Variants in PAX4 observed in about 807,000 individuals in gnomAD.
PAX4 encodes the protein paired box 4.
In PAX4, 33 loss-of-function variants were observed where a neutral mutation model predicts 40.6. The observed-to-expected ratio is 0.81, with a 90% CI of 0.62 to 1.09. The LOEUF (loss-of-function observed/expected upper bound fraction) is 1.09. Ranked by LOEUF, PAX4 falls within the 50% of genes least tolerant of loss-of-function variation. The pLI is 0.00. For missense variants in PAX4, 459 were observed against 442.5 expected (o/e 1.04, Z -0.33); for synonymous variants, 174 against 170.6 (o/e 1.02, Z -0.16).
At position 127,613,763 on chromosome 7, in the gene PAX4, C is replaced by T; in HGVS notation, c.555G>A (p.Leu185=). 6.2e-7 allele frequency: 1 copy of T among 1,613,988 alleles called. No individual in the cohort carries two copies. The change falls in exon 7 of 12, where the codon CTG becomes CTA. Residue 185 remains leucine (L), a synonymous_variant. Transcript: ENST00000639438. The part of the protein sequence containing the change: ...TIFSPSQAEA[L]EKEFQRGQYP... Reference sequence around the variant, plus strand: ...TCTGTCCCAGCCCAGCACCTTTCTCCAGTGCCTCTGCTTGGCTTGGGGAGA... The same window carrying T: ...TCTGTCCCAGCCCAGCACCTTTCTCTAGTGCCTCTGCTTGGCTTGGGGAGA...
rs1422721708 is a variant in PAX4 at position 127,615,078 on chromosome 7, C to G, written c.162G>C (p.Val54=). The G allele has an allele frequency of 6.2e-7, 1 of 1,614,148 alleles. No individual in the cohort carries two copies. Among genetic ancestry groups the G allele is most frequent in the East Asian group, 2.2e-5 (1 of 44,874 alleles). Residue 54 remains valine (V), a synonymous_variant, in exon 5 of 12, where the codon GTG becomes GTC. Coordinates refer to ENST00000639438, the MANE Select transcript of PAX4 (RefSeq NM_001366110.1). ...GGTAGTAACGCCCTAGGATCTTGCT[C>G]ACACAGCCATTAGATACCTGAGTCA... ...SRILKVSNGC[V]SKILGRYYRT...
rs1485011264 is a variant in PAX4 at position 127,610,997 on chromosome 7, G to C, written c.*67C>G. On this transcript the variant is annotated 3_prime_UTR_variant, in exon 12 of 12. Coordinates refer to ENST00000639438, the MANE Select transcript of PAX4 (RefSeq NM_001366110.1). ...GAAGGAGCCACAGTCTGTATGGGCA[G>C]GACGGTAAGGACAATGGGCAGGATG... The C allele has an allele frequency of 1.3e-6, 2 of 1,555,380 alleles. No individual in the cohort carries two copies. Among genetic ancestry groups the C allele is most frequent in the Admixed American group, 1.9e-5 (1 of 51,508 alleles).
rs575375428 is a variant in PAX4, at chr7:127,613,681, C to T, written c.562+75G>A. On this transcript the variant is annotated intron_variant, in intron 7 of 11. Coordinates refer to ENST00000639438, the MANE Select transcript of PAX4 (RefSeq NM_001366110.1). ...TCACACCTGCACCTCTCAGCCTTTGCCCACAGGCCTCAGGGCCACTGTCCC... is the reference window on the plus strand; with the variant it reads ...TCACACCTGCACCTCTCAGCCTTTGTCCACAGGCCTCAGGGCCACTGTCCC... 46 of 1,608,294 alleles carry T rather than the reference C, an allele frequency of 2.9e-5. 1 individual carries two copies. The East Asian group carries it at 8.5e-4, about 30-fold the overall frequency.
rs138902071 is a variant in PAX4, at chr7:127,615,385, G to A, written c.144+16C>T. On this transcript the variant is annotated intron_variant, in intron 4 of 11. Coordinates refer to ENST00000639438, the MANE Select transcript of PAX4 (RefSeq NM_001366110.1). ...CTTCCTGTCCCCATCACTGGGTAAAGGTGCTGGCCCATTACCTTAAGGATC... is the reference window on the plus strand; with the variant it reads ...CTTCCTGTCCCCATCACTGGGTAAAAGTGCTGGCCCATTACCTTAAGGATC... The A allele has an allele frequency of 2.1e-4, 335 of 1,614,146 alleles. 2 individuals carry two copies. In the African/African-American group the frequency reaches 2.6e-3, roughly 13 times the overall value.
At position 127,610,780 on chromosome 7, in the gene PAX4, A is replaced by G. The variant is rs1794610304; in HGVS notation, c.*284T>C. 1.6e-6 allele frequency: 2 copies of G among 1,223,264 alleles called. No homozygotes were observed. Among genetic ancestry groups the G allele is most frequent in the Admixed American group, 4.0e-5 (2 of 50,106 alleles). 75.8% of individuals were successfully genotyped at this position (1,223,264 alleles called of 1,614,324 possible). ...GTGGGCATAGGGGTGCTCATAGGGA[A>G]AACATGATGGACAACAGAACTACTG... On this transcript the variant is annotated 3_prime_UTR_variant, in exon 12 of 12. Transcript: ENST00000639438.
In PAX4 at chr7:127,615,395, C is replaced by T. The variant is rs760675886; in HGVS notation, c.144+6G>A. 6.2e-7 allele frequency: 1 copy of T among 1,614,188 alleles called. No individual in the cohort carries two copies. The highest frequency in any genetic ancestry group is 1.6e-4 in the Middle Eastern group (1 of 6,062). On this transcript the variant is annotated splice_donor_region_variant and intron_variant, in intron 4 of 11. Coordinates refer to ENST00000639438, the MANE Select transcript of PAX4 (RefSeq NM_001366110.1). Reference sequence around the variant, plus strand: ...CCATCACTGGGTAAAGGTGCTGGCCCATTACCTTAAGGATCCGTGAGATGT... The same window carrying T: ...CCATCACTGGGTAAAGGTGCTGGCCTATTACCTTAAGGATCCGTGAGATGT...
In PAX4 at chr7:127,616,001, G is replaced by T. The variant is rs1751689366; in HGVS notation, c.-73C>A. The T allele has an allele frequency of 2.6e-6, 4 of 1,517,282 alleles. No homozygotes were observed. In the Admixed American group the frequency reaches 7.9e-5, roughly 30 times the overall value. The allele number at this position is 1,517,282 out of a possible 1,614,324, so 94.0% of individuals were successfully genotyped here. On this transcript the variant is annotated 5_prime_UTR_variant, in exon 3 of 12. Transcript: ENST00000639438. ...CTGGGAAGGGAAGTTCCTTCTAGGA[G>T]CTCCTTTTCCAGCTTGGGGGCTGGC...
intron 2 of PAX4, among the ~76,000 whole-genome samples, chr7:127,616,643 C>T (rs777561765): frequency 2.6e-5 from 4 of 152,214 alleles, no homozygotes. Context: ...CCGGCTTCTC[C>T]TAGGAGACGC....
In PAX4 at chr7:127,613,519, C is replaced by T. The variant is rs755659149; in HGVS notation, c.576G>A (p.Gly192=). 3.7e-6 allele frequency: 6 copies of T among 1,614,164 alleles called. No individual in the cohort carries two copies. In the Admixed American group the frequency reaches 8.3e-5, roughly 22 times the overall value. The part of the protein sequence containing the change: ...AEALEKEFQR[G]QYPDSVARGK... ...CACGGGCCACTGAATCAGGATACTG[C>T]CCACGCTGGAACTCTGCGGAGATCG... The change falls in exon 8 of 12, where the codon GGG becomes GGA. Residue 192 remains glycine, a synonymous_variant. Transcript: ENST00000639438.
chr7:127,614,914 G>C lies in PAX4; in HGVS notation c.326C>G (p.Ala109Gly), dbSNP rs760507507. The C allele has an allele frequency of 1.2e-6, 2 of 1,614,140 alleles. No homozygotes were observed. The highest frequency in any genetic ancestry group is 2.2e-5 in the South Asian group (2 of 91,078). Residue 109 changes from alanine to glycine, a missense_variant, in exon 5 of 12, where the codon GCT becomes GGT. By Grantham distance (60) the Ala-to-Gly change is moderately conservative. Coordinates refer to ENST00000639438, the MANE Select transcript of PAX4 (RefSeq NM_001366110.1). Reference protein sequence around the residue: ...FAWEIQRQLCAEGLCTQDKTP... With the variant: ...FAWEIQRQLCGEGLCTQDKTP... Reference sequence around the variant, plus strand: ...CTTGTCCTGGGTGCAAAGCCCTTCAGCACAAAGCTGGCGTTGGATTTCCCA... The same window carrying C: ...CTTGTCCTGGGTGCAAAGCCCTTCACCACAAAGCTGGCGTTGGATTTCCCA...
chr7:127,615,741 C>A (rs327516), intron 3 of PAX4, 175 bp downstream of exon 3: 74 of 1,494,206 alleles, frequency 5.0e-5, no homozygotes, highest in African/African-American at 1.9e-4. Context: ...TTGCCCATAC[C>A]CGCCAACTCT....
At chr7:127,615,208 A>G in intron 4 of PAX4, 113 bp from the exon 5 acceptor site, 9 of 1,598,746 alleles carry the variant, frequency 5.6e-6, no homozygotes, top group Non-Finnish European at 6.8e-6. Flanking sequence ...GGACCAGGCC[A>G]TGAAGTCGGG....
intron 9 of PAX4, among the ~76,000 whole-genome samples, chr7:127,612,523 G>A (rs1022552115): frequency 6.9e-6 from 1 of 145,400 alleles, no homozygotes; most frequent in Non-Finnish European, 1.5e-5. Flanking sequence ...AAATGGATAG[G>A]TAGATAGGTG....
rs1210888120 is a variant in PAX4, at chr7:127,611,669, G to A, written c.779C>T (p.Pro260Leu). 8 of 1,611,110 alleles carry A rather than the reference G, an allele frequency of 5.0e-6. No individual in the cohort carries two copies. Among genetic ancestry groups the A allele is most frequent in the East Asian group, 2.2e-5 (1 of 44,886 alleles). ...CAGGGCTGCTGTGGGCACACTGCCAGGGGACTGCTAAAAAAAAAAAGCAAG... is the reference window on the plus strand; with the variant it reads ...CAGGGCTGCTGTGGGCACACTGCCAAGGGACTGCTAAAAAAAAAAAGCAAG... The part of the protein sequence containing the change: ...APGIISAQQS[P>L]GSVPTAALPA... The change falls in exon 11 of 12, where the codon CCT (proline) becomes CTT (leucine). Residue 260 changes from proline to leucine, a missense_variant. By Grantham distance (98) the Pro-to-Leu change is moderately conservative (BLOSUM62 -3). Coordinates refer to ENST00000639438, the MANE Select transcript of PAX4 (RefSeq NM_001366110.1).
chr7:127,617,511 T>A (rs1794739230), intron 1 of PAX4, 111 bp from the exon 2 acceptor site: 1 of 152,168 alleles, frequency 6.6e-6, no homozygotes, highest in Admixed American at 6.5e-5. Context: ...TGTTTCATGT[T>A]TGTGTAATTG....
Position 127,615,427 on chromosome 7 carries a change from G to T in PAX4, c.118C>A (p.Pro40Thr), listed in dbSNP as rs1794708788. The T allele has an allele frequency of 1.2e-6, 2 of 1,614,204 alleles. No homozygotes were observed. The change falls in exon 4 of 12, where the codon CCC (proline) becomes ACC (threonine). Residue 40 changes from proline (P) to threonine (T), a missense_variant. Physicochemically the swap from Pro to Thr is conservative, Grantham distance 38 (BLOSUM62 -1). Coordinates refer to ENST00000639438, the MANE Select transcript of PAX4 (RefSeq NM_001366110.1). The stretch of plus-strand genomic sequence containing the variant: ...TTAAGGATCCGTGAGATGTCACAGG[G>T]CCGCATTCCACTGACTGCTAGCCGC... Reference protein sequence around the residue: ...IVRLAVSGMRPCDISRILKVS... With the variant: ...IVRLAVSGMRTCDISRILKVS...
intron 2 of PAX4, 126 bp from the exon 3 acceptor site, chr7:127,616,153 A>T: frequency 1.7e-6 from 1 of 575,018 alleles, no homozygotes; most frequent in Non-Finnish European, 3.1e-6. Context: ...AGAAAATTCT[A>T]ATTCCTTTTA....
chr7:127,613,388 A>G lies in PAX4; in HGVS notation c.645+62T>C, dbSNP rs546052846. The G allele has an allele frequency of 8.9e-5, 136 of 1,533,098 alleles. 3 individuals are homozygous for G. In the South Asian group the frequency reaches 1.4e-3, roughly 16 times the overall value. The allele number at this position is 1,533,098 out of a possible 1,614,324, so 95.0% of individuals were successfully genotyped here. On this transcript the variant is annotated intron_variant, in intron 8 of 11. Transcript: ENST00000639438. The stretch of plus-strand genomic sequence containing the variant: ...CCCTCTCCACCTCATTGGAACCCAA[A>G]GCCCTGGCCGGCCCAGACTCTTCCT...
At position 127,614,956 on chromosome 7, in the gene PAX4, C is replaced by T; in HGVS notation, c.284G>A (p.Cys95Tyr). 1.2e-6 allele frequency: 2 copies of T among 1,614,184 alleles called. No individual in the cohort carries two copies. The highest frequency in any genetic ancestry group is 1.7e-6 in the Non-Finnish European group (2 of 1,180,028). Residue 95 changes from cysteine (C) to tyrosine (Y), a missense_variant, in exon 5 of 12, where the codon TGT (cysteine) becomes TAT (tyrosine). Transcript: ENST00000639438. ...VARIAQLKGE[C>Y]PALFAWEIQR... ...GATTTCCCAGGCAAAGAGGGCTGGACACTCACCCTTCAGCTGGGCAATTCG... is the reference window on the plus strand; with the variant it reads ...GATTTCCCAGGCAAAGAGGGCTGGATACTCACCCTTCAGCTGGGCAATTCG...
Sources: allele counts gnomAD v4.1 joint callset (sites outside exome capture counted in the v4.1 genomes callset), GRCh38; gene constraint gnomAD v4.1.1; transcripts MANE v1.5; gene names NCBI Gene and HGNC (gene_info 2026-07-23, HGNC 2026-07-21).